Variants in AGBL1 observed in about 807,000 individuals in gnomAD.
AGBL1 encodes the protein AGBL carboxypeptidase 1.
A neutral mutation model predicts 118.9 loss-of-function variants in AGBL1; 130 were observed. The observed-to-expected ratio is 1.09, with a 90% CI of 0.95 to 1.26. AGBL1 has a LOEUF of 1.26. Among genes scored for constraint, AGBL1 ranks in the 50% most tolerant of loss-of-function variants. The pLI, the probability that AGBL1 is intolerant of heterozygous loss-of-function variation, is 0.00. For synonymous variants in AGBL1, 555 were observed against 478.9 expected (o/e 1.16, Z -2.08); for missense variants, 1,584 against 1,298.1 (o/e 1.22, Z -3.38).
intron 24 of AGBL1, among the ~76,000 whole-genome samples, chr15:86,999,427 T>G (rs1440091002): frequency 6.8e-6 from 1 of 147,542 alleles, no homozygotes; most frequent in Non-Finnish European, 1.5e-5. Flanking sequence ...TGTGTCCATG[T>G]GATCTCACTG....
chr15:86,332,619 C>T (rs983838934), intron 17 of AGBL1, among the ~76,000 whole-genome samples: 2 of 147,728 alleles, frequency 1.4e-5, no homozygotes, highest in Non-Finnish European at 3.0e-5. Context: ...GCACTCCAGC[C>T]TGGGCGACAG....
chr15:86,372,862 G>A (rs899693395), intron 17 of AGBL1, among the ~76,000 whole-genome samples: 1 of 152,184 alleles, frequency 6.6e-6, no homozygotes, highest in African/African-American at 2.4e-5. Context: ...TGAGGAAGAG[G>A]TCCCTCCCAC....
chr15:86,753,287 C>T (rs1194071274), intron 22 of AGBL1, among the ~76,000 whole-genome samples: 1 of 151,882 alleles, frequency 6.6e-6, no homozygotes, highest in Non-Finnish European at 1.5e-5. Flanking sequence ...GATGAGGCAC[C>T]AGGTACGTTT....
intron 22 of AGBL1, among the ~76,000 whole-genome samples, chr15:86,769,202 G>GGA (rs56130631): frequency 0.13 from 18,111 of 143,424 alleles, 1,207 homozygotes; most frequent in East Asian, 0.3. Context: ...AGAGAAAGAG[G>GGA]GAGAGAGAGA....
intron 22 of AGBL1, among the ~76,000 whole-genome samples, chr15:86,824,200 AC>A (rs987027200): frequency 6.6e-6 from 1 of 151,948 alleles, no homozygotes; most frequent in Non-Finnish European, 1.5e-5. Flanking sequence ...CCTACCCAAT[AC>A]CCCCCAAAAA....
intron 21 of AGBL1, among the ~76,000 whole-genome samples, chr15:86,671,342 A>G (rs1470832316): frequency 1.3e-5 from 2 of 152,184 alleles, no homozygotes; most frequent in Non-Finnish European, 2.9e-5. Context: ...AAATAATGCC[A>G]TGAACCTTCT....
intron 22 of AGBL1, among the ~76,000 whole-genome samples, chr15:86,729,311 GCA>G (rs1317244126): frequency 3.3e-5 from 5 of 152,132 alleles, no homozygotes; most frequent in Non-Finnish European, 5.9e-5. Context: ...GGGTCAGGAG[GCA>G]CACATGCAGG....
At chr15:86,804,575 G>A (rs566077019) in intron 22 of AGBL1, among the ~76,000 whole-genome samples, 6 of 152,286 alleles carry the variant, frequency 3.9e-5, no homozygotes, top group African/African-American at 1.4e-4. Context: ...TGCTACGCAT[G>A]TGTCTTGATT....
Position 86,142,064 on chromosome 15 carries a change from G to C in AGBL1, c.112G>C (p.Val38Leu). 6.5e-7 allele frequency: 1 copy of C among 1,550,182 alleles called. No homozygotes were observed. The highest frequency in any genetic ancestry group is 1.2e-5 in the South Asian group (1 of 83,934). ...ILKVLGDLLS[V>L]GTDRRIHYMI... The stretch of plus-strand genomic sequence containing the variant: ...CAAGGTCCTCGGAGATCTGCTTTCT[G>C]TTGGTGAGTAGGCCATGCTCTCATG... Residue 38 changes from valine to leucine, a missense_variant, in exon 2 of 23, where the codon GTT (valine) becomes CTT (leucine). By Grantham distance (32) the Val-to-Leu change is conservative (BLOSUM62 1). Transcript: ENST00000614907.
chr15:86,347,187 T>C (rs2080551145), intron 17 of AGBL1, among the ~76,000 whole-genome samples: 1 of 152,204 alleles, frequency 6.6e-6, no homozygotes, highest in African/African-American at 2.4e-5. Context: ...TAGCCCTGCA[T>C]GAATGCCTTA....
Position 86,911,050 on chromosome 15 carries a change from C to T in AGBL1, c.*3756C>T, listed in dbSNP as rs1329208644. On this transcript the variant is annotated 3_prime_UTR_variant, in exon 23 of 23. Coordinates refer to ENST00000614907, the MANE Select transcript of AGBL1 (RefSeq NM_001386094.1). ...ATTGTTGGGATAAAACGTGTTCTACCAAATTCAAAGCCAAACTAAGATGAC... is the reference window on the plus strand; with the variant it reads ...ATTGTTGGGATAAAACGTGTTCTACTAAATTCAAAGCCAAACTAAGATGAC... 1.3e-5 allele frequency: 2 copies of T among 152,312 alleles called. No individual in the cohort carries two copies. Among genetic ancestry groups the T allele is most frequent in the East Asian group, 3.9e-4 (2 of 5,176 alleles). 9.4% of individuals were successfully genotyped at this position (152,312 alleles called of 1,614,324 possible).
In AGBL1 at chr15:86,079,949, G is replaced by A. The variant is rs1895155317; in HGVS notation, c.-24G>A. The A allele has an allele frequency of 1.1e-5, 14 of 1,231,918 alleles. No homozygotes were observed. The highest frequency in any genetic ancestry group is 4.7e-5 in the African/African-American group (3 of 64,416). 76.3% of individuals were successfully genotyped at this position (1,231,918 alleles called of 1,614,324 possible). A position where few individuals can be genotyped will look rare whatever the true frequency, so the allele number is the denominator to read the frequency against. ...CAGCCTGGATCTGGCCGCAGGCAGC[G>A]GTTCCCTAGGACCCGAGAAAAGGAT... is the stretch of plus-strand genomic sequence containing the variant. On this transcript the variant is annotated 5_prime_UTR_variant, in exon 1 of 23. Coordinates refer to ENST00000614907, the MANE Select transcript of AGBL1 (RefSeq NM_001386094.1).
chr15:86,100,583 A>C (rs938505103), intron 1 of AGBL1, among the ~76,000 whole-genome samples: 2 of 151,930 alleles, frequency 1.3e-5, no homozygotes, highest in African/African-American at 4.8e-5. Flanking sequence ...TTCCTAGTTC[A>C]ATCTTGGTAA....
intron 24 of AGBL1, among the ~76,000 whole-genome samples, chr15:87,022,624 C>T (rs781282212): frequency 7.9e-5 from 12 of 152,006 alleles, no homozygotes; most frequent in Non-Finnish European, 1.2e-4. Context: ...AAATTCATCA[C>T]AAAAAGATCA....
chr15:86,342,914 C>G (rs1416090046), intron 17 of AGBL1, among the ~76,000 whole-genome samples: 2 of 152,152 alleles, frequency 1.3e-5, no homozygotes, highest in Non-Finnish European at 2.9e-5. Context: ...ATGAGAGCAG[C>G]ATTTTGTAAA....
At chr15:86,713,640 C>T (rs1211467334) in intron 22 of AGBL1, among the ~76,000 whole-genome samples, 1 of 152,066 alleles carries the variant, frequency 6.6e-6, no homozygotes, top group African/African-American at 2.4e-5. Flanking sequence ...GAACTGTGCC[C>T]CAATACTCTT....
chr15:86,916,683 G>T (rs1386756190), downstream of AGBL1, among the ~76,000 whole-genome samples: 1 of 152,180 alleles, frequency 6.6e-6, no homozygotes, highest in African/African-American at 2.4e-5. Flanking sequence ...TTCTCCATTG[G>T]AGGGTGAAGG....
chr15:86,997,915 ACACAC>A (rs2081395026), intron 24 of AGBL1, among the ~76,000 whole-genome samples: 3 of 151,628 alleles, frequency 2.0e-5, no homozygotes, highest in Middle Eastern at 3.4e-3. Context: ...ACACACACAC[ACACAC>A]ACACACACAC....
chr15:86,563,923 A>G (rs985272293), intron 21 of AGBL1, among the ~76,000 whole-genome samples: 6 of 152,100 alleles, frequency 3.9e-5, no homozygotes, highest in African/African-American at 1.4e-4. Flanking sequence ...GTTGGTTTAA[A>G]GTCTGTTTTA....
Sources: gnomAD v4.1 joint callset for allele counts (sites outside exome capture counted in the v4.1 genomes callset) on GRCh38, gnomAD v4.1.1 for gene constraint, MANE v1.5 for transcripts, NCBI Gene and HGNC (gene_info 2026-07-23, HGNC 2026-07-21) for gene names.